The following ICA1 variants were observed in gnomAD, a reference collection of about 807,000 sequenced individuals.
ICA1 encodes the protein 69 kDa islet cell autoantigen.
ICA1 carries 40 observed loss-of-function variants against 71.0 expected under a neutral mutation model. That is an observed-to-expected ratio of 0.56 (90% CI 0.44 to 0.73). The LOEUF (loss-of-function observed/expected upper bound fraction) is 0.73, where lower values mean the gene tolerates loss of function less well. ICA1 is among the 30% of genes least tolerant of loss of function. ICA1 has a pLI of 0.00. For synonymous variants in ICA1, 207 were observed against 209.5 expected, an observed-to-expected ratio of 0.99 and a Z score of 0.10; for missense variants, 578 against 576.5, an observed-to-expected ratio of 1.00 and a Z score of -0.03.
At chr7:8,138,450 A>G (rs1274719361) in intron 12 of ICA1, among the ~76,000 whole-genome samples, 1 of 152,154 alleles carries the variant, frequency 6.6e-6, no homozygotes, top group East Asian at 1.9e-4. Context: ...TATTGTTTCC[A>G]TTTTACAAAT....
intron 3 of ICA1, among the ~76,000 whole-genome samples, chr7:8,232,189 C>T (rs1345971216): frequency 6.6e-6 from 1 of 152,150 alleles, no homozygotes; most frequent in Non-Finnish European, 1.5e-5. Context: ...GGGTCCAATA[C>T]AAAACTTATT....
At chr7:8,138,277 T>C (rs1794079680) in intron 12 of ICA1, among the ~76,000 whole-genome samples, 2 of 152,210 alleles carry the variant, frequency 1.3e-5, no homozygotes, top group Non-Finnish European at 2.9e-5. Context: ...CCTCTGCATC[T>C]ACCTAAGGGT....
chr7:8,141,053 C>T (rs1255764211), intron 10 of ICA1, among the ~76,000 whole-genome samples: 1 of 152,190 alleles, frequency 6.6e-6, no homozygotes, highest in African/African-American at 2.4e-5. Context: ...CCCCGCATCT[C>T]CGAGGAGCTT....
intron 6 of ICA1, among the ~76,000 whole-genome samples, chr7:8,175,107 T>G (rs182793916): frequency 4.0e-5 from 6 of 151,484 alleles, no homozygotes; most frequent in Non-Finnish European, 4.4e-5. Flanking sequence ...TGGGGCTGAG[T>G]GAGAGGTTGA....
intron 6 of ICA1, among the ~76,000 whole-genome samples, chr7:8,204,716 T>A (rs544100182): frequency 2.2e-4 from 34 of 152,256 alleles, no homozygotes; most frequent in African/African-American, 8.2e-4. Context: ...CTTTTGACTT[T>A]TGCACAACTC....
At chr7:8,174,751 A>C (rs1262763236) in intron 6 of ICA1, among the ~76,000 whole-genome samples, 1 of 106,204 alleles carries the variant, frequency 9.4e-6, no homozygotes, top group Non-Finnish European at 1.9e-5. Context: ...GCCAGACTGT[A>C]TCTCAAAAAA....
chr7:8,245,137 A>G (rs560666642), intron 1 of ICA1, among the ~76,000 whole-genome samples: 1 of 152,304 alleles, frequency 6.6e-6, no homozygotes, highest in South Asian at 2.1e-4. Context: ...ACTATTCACA[A>G]TACCAACGAC....
intron 3 of ICA1, among the ~76,000 whole-genome samples, chr7:8,231,119 G>A (rs543531286): frequency 3.3e-5 from 5 of 152,268 alleles, no homozygotes; most frequent in East Asian, 1.9e-4. Flanking sequence ...GCAGTGACTC[G>A]AAACAGCGTG....
At chr7:8,172,184 G>C (rs932734642) in intron 6 of ICA1, among the ~76,000 whole-genome samples, 2 of 151,996 alleles carry the variant, frequency 1.3e-5, no homozygotes, top group Admixed American at 1.3e-4. Context: ...TGAAAGATGA[G>C]TGTTGAAATC....
intron 4 of ICA1, among the ~76,000 whole-genome samples, chr7:8,225,485 C>T (rs536287210): frequency 1.2e-4 from 18 of 152,072 alleles, no homozygotes; most frequent in Non-Finnish European, 2.6e-4. Flanking sequence ...TTGAATTTTC[C>T]CTGCCCCAAT....
At position 8,130,103 on chromosome 7, in the gene ICA1, A is replaced by T. The variant is rs113981829; in HGVS notation, c.1061-1961T>A. Among the ~76,000 whole-genome samples, 13 of 152,030 alleles carry T rather than the reference A, an allele frequency of 8.6e-5. No homozygotes were observed. Among genetic ancestry groups the T allele is most frequent in the Non-Finnish European group, 7.4e-5 (5 of 68,002 alleles). On this transcript the variant is annotated intron_variant, in intron 12 of 13. Transcript: ENST00000402384. The surrounding 1 kb of genome is among the most constrained non-coding windows in gnomAD (Gnocchi z 4.2). ...CCACATTTTCTTAATCCAGTCTATC[A>T]TTGTTGGACATTTGGGTTGGTTCCA...
chr7:8,160,743 G>C (rs574521833), intron 6 of ICA1, among the ~76,000 whole-genome samples: 1 of 152,180 alleles, frequency 6.6e-6, no homozygotes, highest in African/African-American at 2.4e-5. Flanking sequence ...TAGCCACCCA[G>C]TTCCTTTCAA....
intron 12 of ICA1, among the ~76,000 whole-genome samples, chr7:8,135,197 T>C (rs1352736916): frequency 2.6e-5 from 4 of 152,054 alleles, no homozygotes; most frequent in Non-Finnish European, 4.4e-5. Context: ...TGGCTAATTT[T>C]TGGATTTTTA....
At chr7:8,243,227 T>C (rs1445736239) in intron 1 of ICA1, among the ~76,000 whole-genome samples, 1 of 152,156 alleles carries the variant, frequency 6.6e-6, no homozygotes, top group Non-Finnish European at 1.5e-5. Flanking sequence ...CACAATCAAG[T>C]CGGCTTCATC....
intron 1 of ICA1, among the ~76,000 whole-genome samples, chr7:8,240,540 C>A (rs917319256): frequency 1.3e-5 from 2 of 152,120 alleles, no homozygotes; most frequent in African/African-American, 4.8e-5. Context: ...AGCAAAGGAA[C>A]AAAGTTGGAT....
Position 8,261,127 on chromosome 7 carries a change from T to C in ICA1, c.-80+967A>G, listed in dbSNP as rs564613737. On this transcript the variant is annotated intron_variant, in intron 1 of 13. Coordinates refer to ENST00000402384, the MANE Select transcript of ICA1 (RefSeq NM_001136020.3). ...ACCAGATCTCGGTTACTAAGATTCA[T>C]GAACAAAACCCTTTCTTGCGCTAAT... Among the ~76,000 whole-genome samples the C allele has an allele frequency of 3.9e-5, 6 of 152,320 alleles. No homozygotes were observed. In the South Asian group the frequency reaches 1.2e-3, roughly 32 times the overall value.
chr7:8,140,119 G>A (rs911609983), intron 10 of ICA1, among the ~76,000 whole-genome samples: 1 of 152,116 alleles, frequency 6.6e-6, no homozygotes, highest in Admixed American at 6.5e-5. Context: ...TTTATAACTT[G>A]CATACAAATA....
intron 6 of ICA1, among the ~76,000 whole-genome samples, chr7:8,199,487 G>A (rs1171887790): frequency 6.6e-6 from 1 of 152,206 alleles, no homozygotes; most frequent in African/African-American, 2.4e-5. Context: ...AAGGCGGGCG[G>A]ATCACTTGAG....
chr7:8,227,651 G>T, intron 4 of ICA1: 1 of 405,562 alleles, frequency 2.5e-6, no homozygotes, highest in Non-Finnish European at 4.8e-6. Context: ...CTGTCGCCCA[G>T]GCTGGAGCAC....
Sources: allele counts gnomAD v4.1 joint callset (sites outside exome capture counted in the v4.1 genomes callset), GRCh38; gene constraint gnomAD v4.1.1; non-coding constraint Gnocchi (gnomAD v3.1); transcripts MANE v1.5; gene names NCBI Gene and HGNC (gene_info 2026-07-23, HGNC 2026-07-21).